GPHN: variants seen among roughly 807,000 people sequenced by gnomAD.
GPHN encodes gephyrin.
In GPHN, 17 loss-of-function variants were observed where a neutral mutation model predicts 95.5. The ratio of observed to expected loss-of-function variants is 0.18; its 90% CI spans 0.12 to 0.27. The LOEUF (loss-of-function observed/expected upper bound fraction) is 0.27. Ranked by LOEUF, GPHN falls within the 10% of genes least tolerant of loss-of-function variation. The pLI is 1.00. For synonymous variants in GPHN, 320 were observed against 322.5 expected (o/e 0.99, Z 0.08); for missense variants, 660 against 978.1 (o/e 0.67, Z 4.34).
the GPHN span, among the ~76,000 whole-genome samples, chr14:67,440,015 TG>T: frequency 6.6e-6 from 1 of 152,122 alleles, no homozygotes; most frequent in African/African-American, 2.4e-5. Context: ...TTCGTATTTT[TG>T]GTAGAGACAG....
At chr14:66,546,446 C>T (rs992934558) in intron 1 of GPHN, among the ~76,000 whole-genome samples, 53 of 152,074 alleles carry the variant, frequency 3.5e-4, no homozygotes, top group African/African-American at 1.2e-3. Flanking sequence ...TTGTAGTGAG[C>T]CGAGATCACG....
chr14:66,731,930 G>A (rs1423907881), intron 2 of GPHN, among the ~76,000 whole-genome samples: 1 of 152,194 alleles, frequency 6.6e-6, no homozygotes, highest in Non-Finnish European at 1.5e-5. Context: ...GTACAGTTTG[G>A]TCCATTGCTT....
At chr14:67,620,087 A>G in the GPHN span, 2 of 1,597,996 alleles carry the variant, frequency 1.3e-6, no homozygotes, top group Non-Finnish European at 1.7e-6. Context: ...TCACAAGGGC[A>G]GGTGAGAACT....
rs150524427 is a variant in GPHN, at chr14:66,681,211, G to A, written c.143+26G>A. 1,363 of 1,345,134 alleles carry A rather than the reference G, an allele frequency of 1.0e-3. 3 individuals carry two copies. Among genetic ancestry groups the A allele is most frequent in the Non-Finnish European group, 1.1e-3 (1,024 of 939,378 alleles). 83.3% of individuals were successfully genotyped at this position (1,345,134 alleles called of 1,614,324 possible). A position where few individuals can be genotyped will look rare whatever the true frequency, so the allele number is the denominator to read the frequency against. On this transcript the variant is annotated intron_variant, in intron 2 of 22. Coordinates refer to ENST00000478722, the MANE Select transcript of GPHN (RefSeq NM_020806.5). ...GTGAGTATTGTGCTTTCAGTATTAA[G>A]TATAAATTAAAACTTTATTATTAGT...
the GPHN span, among the ~76,000 whole-genome samples, chr14:67,196,423 G>T: frequency 6.6e-6 from 1 of 151,742 alleles, no homozygotes; most frequent in African/African-American, 2.4e-5. Context: ...CACGACGTTG[G>T]CCAGGCCAGG....
At chr14:67,130,268 C>T (rs773257858) in intron 17 of GPHN, among the ~76,000 whole-genome samples, 1 of 152,046 alleles carries the variant, frequency 6.6e-6, no homozygotes, top group African/African-American at 2.4e-5. Context: ...TACCCCTCTC[C>T]CTCCTTCCCT....
At chr14:67,727,486 T>C in the GPHN span, 1 of 216,006 alleles carries the variant, frequency 4.6e-6, no homozygotes, top group South Asian at 5.8e-5. Flanking sequence ...GTTTTTTTTG[T>C]TTTTTTTTTT....
intron 17 of GPHN, chr14:67,143,154 C>T: frequency 1.9e-6 from 1 of 516,190 alleles, no homozygotes; most frequent in Admixed American, 3.0e-5. Flanking sequence ...CCAGTAGCCA[C>T]TACTTCAGCA....
intron 2 of GPHN, among the ~76,000 whole-genome samples, chr14:66,751,114 A>G (rs928361047): frequency 2.0e-5 from 3 of 151,942 alleles, no homozygotes; most frequent in Non-Finnish European, 4.4e-5. Flanking sequence ...AAAGCCTCCT[A>G]AAAGAAACAT....
chr14:67,182,967 T>A (rs182383075), downstream of GPHN, among the ~76,000 whole-genome samples: 579 of 150,478 alleles, frequency 3.8e-3, 5 homozygotes, highest in African/African-American at 0.014. Flanking sequence ...TGCATCAGAC[T>A]CCGAAAGTGC....
At chr14:66,898,408 TTTGG>T (rs2064965542) in intron 5 of GPHN, among the ~76,000 whole-genome samples, 1 of 149,986 alleles carries the variant, frequency 6.7e-6, no homozygotes, top group African/African-American at 2.4e-5. Flanking sequence ...TGTTTTTTCG[TTTGG>T]TTGGTTGGTT....
At chr14:67,249,543 GAT>G in the GPHN span, among the ~76,000 whole-genome samples, 1 of 152,168 alleles carries the variant, frequency 6.6e-6, no homozygotes. Flanking sequence ...CAAACCAACA[GAT>G]GTGAAATAAT....
intron 1 of GPHN, among the ~76,000 whole-genome samples, chr14:66,572,490 G>C (rs1391144936): frequency 2.6e-5 from 4 of 151,044 alleles, no homozygotes; most frequent in African/African-American, 9.8e-5. Context: ...CTCTGTGTGT[G>C]TGTGTGTGTG....
chr14:67,615,652 A>T, the GPHN span: 2 of 533,434 alleles, frequency 3.7e-6, no homozygotes, highest in Admixed American at 2.2e-5. Flanking sequence ...TGCTAAAGAG[A>T]AAGGACAATT....
the GPHN span, among the ~76,000 whole-genome samples, chr14:67,684,339 T>G: frequency 1.3e-5 from 2 of 152,152 alleles, no homozygotes; most frequent in African/African-American, 2.4e-5. Context: ...TGCCTGGGAT[T>G]TGCTTCAAAA....
the GPHN span, among the ~76,000 whole-genome samples, chr14:67,477,106 C>T: frequency 1.3e-5 from 2 of 151,240 alleles, no homozygotes; most frequent in African/African-American, 4.9e-5. Flanking sequence ...GTGGAGGTTG[C>T]AGTGAGTCGC....
chr14:67,149,063 G>A (rs1211066711), intron 18 of GPHN, among the ~76,000 whole-genome samples: 3 of 152,034 alleles, frequency 2.0e-5, no homozygotes, highest in Non-Finnish European at 4.4e-5. Flanking sequence ...TAAATTACTG[G>A]GCTGGGCGTG....
chr14:67,245,977 C>T, the GPHN span, among the ~76,000 whole-genome samples: 1 of 151,792 alleles, frequency 6.6e-6, no homozygotes, highest in African/African-American at 2.4e-5. Context: ...ATTTGTTTGT[C>T]CAGTTCCATG....
intron 17 of GPHN, among the ~76,000 whole-genome samples, chr14:67,123,744 C>A (rs944150399): frequency 6.6e-6 from 1 of 152,144 alleles, no homozygotes; most frequent in Non-Finnish European, 1.5e-5. Context: ...CAACCCAGGA[C>A]AGCTTTGAAT....
Sources: allele counts gnomAD v4.1 joint callset (sites outside exome capture counted in the v4.1 genomes callset), GRCh38; gene constraint gnomAD v4.1.1; transcripts MANE v1.5; gene names NCBI Gene and HGNC (gene_info 2026-07-23, HGNC 2026-07-21).